Variants in RGSL1 observed in about 807,000 individuals in gnomAD.
RGSL1 encodes regulator of G protein signaling protein-like.
A neutral mutation model predicts 124.7 loss-of-function variants in RGSL1; 97 were observed. That is an observed-to-expected ratio of 0.78 (90% CI 0.66 to 0.92). The LOEUF (loss-of-function observed/expected upper bound fraction) is 0.92. Ranked by LOEUF, RGSL1 falls within the 40% of genes least tolerant of loss-of-function variation. The pLI is 0.00. For missense variants in RGSL1, 1,233 were observed against 1,288.4 expected (o/e 0.96, Z 0.66); for synonymous variants, 424 against 438.1 (o/e 0.97, Z 0.40).
At chr1:182,518,218 G>C (rs985280082) in intron 9 of RGSL1, among the ~76,000 whole-genome samples, 2 of 151,978 alleles carry the variant, frequency 1.3e-5, no homozygotes, top group African/African-American at 4.8e-5. Context: ...TTTTTTAATA[G>C]AGATGATGTC....
At chr1:182,553,651 A>C (rs767916801) in intron 19 of RGSL1, 110 bp downstream of exon 19, 1 of 854,444 alleles carries the variant, frequency 1.2e-6, no homozygotes, top group Non-Finnish European at 1.9e-6. Context: ...AGACCCCCAA[A>C]ATGTGAAGTA....
chr1:182,508,241 T>C (rs1656976832), intron 9 of RGSL1, among the ~76,000 whole-genome samples: 1 of 151,368 alleles, frequency 6.6e-6, no homozygotes, highest in Non-Finnish European at 1.5e-5. Flanking sequence ...CGAGATCATA[T>C]CGCATTGTAA....
chr1:182,543,876 A>G (rs1660045303), intron 15 of RGSL1, among the ~76,000 whole-genome samples: 2 of 151,722 alleles, frequency 1.3e-5, no homozygotes, highest in Non-Finnish European at 2.9e-5. Flanking sequence ...TTCTGATTTT[A>G]TTTATTTGGG....
Position 182,552,402 on chromosome 1 carries a change from C to A in RGSL1, c.3044-1053C>A, listed in dbSNP as rs181042434. 2.1e-4 allele frequency among the ~76,000 whole-genome samples: 32 copies of A among 152,230 alleles called. No individual in the cohort carries two copies. The East Asian group carries it at 3.3e-3, about 16-fold the overall frequency. ...GTGCTGGGATTACAGGTGTAAGCCA[C>A]CGCACCCTGTGCAAAAGGGAATTTT... On this transcript the variant is annotated intron_variant, in intron 18 of 21. Transcript: ENST00000294854.
At chr1:182,535,515 A>C (rs1659477872) in intron 14 of RGSL1, among the ~76,000 whole-genome samples, 1 of 152,224 alleles carries the variant, frequency 6.6e-6, no homozygotes, top group African/African-American at 2.4e-5. Context: ...CTAGGGAAGC[A>C]TCCAGACCCT....
chr1:182,540,070 G>C (rs559832875), intron 14 of RGSL1, among the ~76,000 whole-genome samples, 177 bp from the exon 15 acceptor site: 1 of 152,280 alleles, frequency 6.6e-6, no homozygotes, highest in South Asian at 2.1e-4. Flanking sequence ...CATACTATCT[G>C]AGTAGATGAC....
intron 11 of RGSL1, among the ~76,000 whole-genome samples, chr1:182,529,510 G>A (rs1444177534): frequency 6.6e-6 from 1 of 152,116 alleles, no homozygotes; most frequent in South Asian, 2.1e-4. Context: ...GGTAAATATG[G>A]TAAATAAAAT....
chr1:182,528,772 G>A (rs1035738410), intron 11 of RGSL1, among the ~76,000 whole-genome samples: 1 of 152,194 alleles, frequency 6.6e-6, no homozygotes. Flanking sequence ...CCAATTTACT[G>A]TGTTAGTCCA....
intron 6 of RGSL1, among the ~76,000 whole-genome samples, chr1:182,478,310 T>G (rs1654446659): frequency 6.6e-6 from 1 of 151,390 alleles, no homozygotes; most frequent in Non-Finnish European, 1.5e-5. Context: ...ATGGACAAAA[T>G]CAGAAAAACA....
chr1:182,449,462 T>A (rs1408920343), upstream of RGSL1, among the ~76,000 whole-genome samples: 3 of 152,178 alleles, frequency 2.0e-5, no homozygotes, highest in Non-Finnish European at 1.5e-5. Flanking sequence ...AATTCTATTC[T>A]CAGTAATTCT....
intron 9 of RGSL1, among the ~76,000 whole-genome samples, chr1:182,515,197 T>TA (rs1337245949): frequency 2.0e-5 from 3 of 152,196 alleles, no homozygotes; most frequent in African/African-American, 7.2e-5. Context: ...TCCATCCCGC[T>TA]ACTGTTGGCA....
At chr1:182,450,015 G>A (rs1435026096), upstream of RGSL1, 2 of 832,408 alleles carry the variant, frequency 2.4e-6, no homozygotes, top group Non-Finnish European at 4.0e-6. Flanking sequence ...TTCAGATTAA[G>A]GCCTACACCA....
intron 4 of RGSL1, 115 bp from the exon 5 acceptor site, chr1:182,472,278 AATG>A: frequency 1.1e-6 from 1 of 906,702 alleles, no homozygotes; most frequent in East Asian, 2.8e-5. Context: ...AATCACCAGG[AATG>A]ATGATTGATG....
chr1:182,474,200 A>C lies in RGSL1; in HGVS notation c.1089A>C (p.Gln363His). 1 of 1,552,018 alleles carries C rather than the reference A, an allele frequency of 6.4e-7. No homozygotes were observed. Among genetic ancestry groups the C allele is most frequent in the Admixed American group, 2.0e-5 (1 of 51,006 alleles). The part of the protein sequence containing the change: ...SKMTIQKAIK[Q>H]SFSLGYIHLA... ...TGACAATTCAGAAGGCCATCAAGCA[A>C]AGCTTCTCCTTAGGATACATCCACT... Residue 363 changes from glutamine (Q) to histidine (H), a missense_variant, in exon 6 of 22, where the codon CAA becomes CAC. Coordinates refer to ENST00000294854, the MANE Select transcript of RGSL1 (RefSeq NM_001137669.2).
rs760027327 is a variant in RGSL1, at chr1:182,522,055, G to T, written c.1877G>T (p.Arg626Met). Residue 626 changes from arginine to methionine, a missense_variant, in exon 10 of 22, where the codon AGG becomes ATG. Arg to Met is a moderately conservative substitution (Grantham distance 91). Coordinates refer to ENST00000294854, the MANE Select transcript of RGSL1 (RefSeq NM_001137669.2). The stretch of plus-strand genomic sequence containing the variant: ...ACAAAGACAGTTTCACGCTCAAATA[G>T]GAAAATGTCCTTGCTCAAAAGAACT... The part of the protein sequence containing the change: ...KETKTVSRSN[R>M]KMSLLKRTLV... The T allele has an allele frequency of 1.3e-6, 2 of 1,548,836 alleles. No individual in the cohort carries two copies. The highest frequency in any genetic ancestry group is 2.4e-5 in the South Asian group (2 of 83,240).
At chr1:182,468,080 A>G (rs958985650) in intron 4 of RGSL1, among the ~76,000 whole-genome samples, 5 of 152,238 alleles carry the variant, frequency 3.3e-5, no homozygotes, top group South Asian at 4.1e-4. Flanking sequence ...AACATCTTAC[A>G]CTAGTTAGAA....
chr1:182,515,762 G>A (rs1657842659), intron 9 of RGSL1, among the ~76,000 whole-genome samples: 1 of 152,146 alleles, frequency 6.6e-6, no homozygotes, highest in South Asian at 2.1e-4. Flanking sequence ...CACCCGCACC[G>A]TGGCCATTGG....
chr1:182,490,915 CT>C (rs10676767), intron 8 of RGSL1, among the ~76,000 whole-genome samples: 1,548 of 128,960 alleles, frequency 0.012, 11 homozygotes, highest in Non-Finnish European at 0.019. Flanking sequence ...AGAACATTAT[CT>C]TTTTTTTTTT....
intron 14 of RGSL1, 62 bp from the exon 15 acceptor site, chr1:182,540,185 A>G (rs1659800494): frequency 7.7e-6 from 11 of 1,424,690 alleles, no homozygotes; most frequent in Non-Finnish European, 9.3e-6. Flanking sequence ...TGTTATGCCC[A>G]GGTTGAGGGT....
Sources: gnomAD v4.1 joint callset for allele counts (sites outside exome capture counted in the v4.1 genomes callset) on GRCh38, gnomAD v4.1.1 for gene constraint, MANE v1.5 for transcripts, NCBI Gene and HGNC (gene_info 2026-07-23, HGNC 2026-07-21) for gene names.